Variants in DIABLO observed in about 807,000 individuals in gnomAD.
The protein encoded by DIABLO is diablo IAP-binding mitochondrial protein, also known as diablo homolog, mitochondrial.
In DIABLO, 32 loss-of-function variants were observed where a neutral mutation model predicts 31.7. The observed-to-expected ratio is 1.01, with a 90% CI of 0.76 to 1.35. DIABLO has a LOEUF of 1.35. DIABLO is among the 40% of genes most tolerant of loss of function. DIABLO has a pLI of 0.00. For missense variants in DIABLO, 316 were observed against 286.4 expected (o/e 1.10, Z -0.75); for synonymous variants, 132 against 103.2 (o/e 1.28, Z -1.69).
chr12:122,209,093 C>G, intron 5 of DIABLO: 1 of 276,792 alleles, frequency 3.6e-6, no homozygotes. Context: ...GGCGCAGTGG[C>G]TCACGCCTCT....
chr12:122,208,574 G>A lies in DIABLO; in HGVS notation c.527C>T (p.Ala176Val). 4 of 1,612,292 alleles carry A rather than the reference G, an allele frequency of 2.5e-6. No homozygotes were observed. Among genetic ancestry groups the A allele is most frequent in the Non-Finnish European group, 2.5e-6 (3 of 1,180,000 alleles). ...MAAEAAYQTG[A>V]DQASITARNH... ...CCTGGCGGTTATAGAGGCCTGATCT[G>A]CGCCTGCCAAAAGATGGGACAATCG... The change falls in exon 6 of 6, where the codon GCA (alanine) becomes GTA (valine). Residue 176 changes from alanine to valine, a missense_variant. Transcript: ENST00000464942.
intron 2 of DIABLO, among the ~76,000 whole-genome samples, chr12:122,223,701 T>G (rs1196895869): frequency 6.6e-6 from 1 of 152,204 alleles, no homozygotes; most frequent in Non-Finnish European, 1.5e-5. Context: ...TAATGGCTCT[T>G]TCAGAACATT....
chr12:122,208,605 A>G (rs914018547), intron 5 of DIABLO, 28 bp from the exon 6 acceptor site: 8 of 1,607,254 alleles, frequency 5.0e-6, no homozygotes, highest in African/African-American at 4.0e-5. Flanking sequence ...AATCGGGTTG[A>G]GCAGCCGTGC....
upstream of DIABLO, among the ~76,000 whole-genome samples, chr12:122,227,078 T>G (rs952057460): frequency 6.6e-6 from 1 of 152,182 alleles, no homozygotes; most frequent in Non-Finnish European, 1.5e-5. Context: ...CTGGAGGATC[T>G]TTGCTTTGTG....
chr12:122,216,433 G>GT (rs1954212220), intron 5 of DIABLO, 55 bp downstream of exon 5: 1 of 1,444,582 alleles, frequency 6.9e-7, no homozygotes, highest in Non-Finnish European at 9.7e-7. Flanking sequence ...AACTCAAATG[G>GT]TACCTTCCTA....
chr12:122,217,137 G>A, intron 3 of DIABLO: 1 of 410,062 alleles, frequency 2.4e-6, no homozygotes, highest in Non-Finnish European at 4.6e-6. Flanking sequence ...TAAAGGTTGA[G>A]GGGAAAAAAG....
chr12:122,213,248 G>A (rs1426772424), intron 5 of DIABLO, among the ~76,000 whole-genome samples: 3 of 151,932 alleles, frequency 2.0e-5, no homozygotes, highest in Non-Finnish European at 4.4e-5. Context: ...GAAATCATAA[G>A]GCCGTGCACA....
At position 122,208,440 on chromosome 12, in the gene DIABLO, G is replaced by C. The variant is rs1304680651; in HGVS notation, c.661C>G (p.Gln221Glu). The C allele has an allele frequency of 1.2e-6, 2 of 1,613,990 alleles. No individual in the cohort carries two copies. Among genetic ancestry groups the C allele is most frequent in the Non-Finnish European group, 8.5e-7 (1 of 1,180,022 alleles). The change falls in exon 6 of 6, where the codon CAG (glutamine) becomes GAG (glutamate). Residue 221 changes from glutamine (Q) to glutamate (E), a missense_variant. Gln to Glu is a conservative substitution (Grantham distance 29). Coordinates refer to ENST00000464942, the MANE Select transcript of DIABLO (RefSeq NM_001371333.1). ...AQIEELRQKT[Q>E]EEGEERAESE... ...TCAGCCCGCTCCTCCCCTTCCTCCTGTGTTTTCTGACGGAGCTCTTCTATC... is the reference window on the plus strand; with the variant it reads ...TCAGCCCGCTCCTCCCCTTCCTCCTCTGTTTTCTGACGGAGCTCTTCTATC...
At position 122,224,407 on chromosome 12, in the gene DIABLO, G is replaced by C. The variant is rs1954400586; in HGVS notation, c.183+105C>G. On this transcript the variant is annotated intron_variant, in intron 2 of 5. Transcript: ENST00000464942. ...TGCCGGTACTGTGGGGGAAGGGATG[G>C]GAGCACTGGGAAAAACTATGGTAGC... is the stretch of plus-strand genomic sequence containing the variant. The C allele has an allele frequency of 2.6e-6, 4 of 1,559,390 alleles. No individual in the cohort carries two copies. In the South Asian group the frequency reaches 4.5e-5, roughly 17 times the overall value.
At chr12:122,225,475 T>C (rs553653422) in intron 1 of DIABLO, 6 of 1,019,802 alleles carry the variant, frequency 5.9e-6, no homozygotes, top group South Asian at 7.5e-5. Context: ...AATTTAGCTC[T>C]GGACCCCTGG....
Position 122,207,701 on chromosome 12 carries a change from A to G in DIABLO, c.*680T>C, listed in dbSNP as rs1249591196. ...AGACGCATTTTCTCTTTCAGATGCAAACAAAATCTTACACTCTTCTCCTTT... is the reference window on the plus strand; with the variant it reads ...AGACGCATTTTCTCTTTCAGATGCAGACAAAATCTTACACTCTTCTCCTTT... On this transcript the variant is annotated 3_prime_UTR_variant, in exon 6 of 6. Transcript: ENST00000464942. 1.8e-6 allele frequency: 1 copy of G among 570,650 alleles called. No individual in the cohort carries two copies. The highest frequency in any genetic ancestry group is 3.3e-6 in the Non-Finnish European group (1 of 302,548). 35.3% of individuals were successfully genotyped at this position (570,650 alleles called of 1,614,324 possible).
At chr12:122,223,871 G>C (rs973510737) in intron 2 of DIABLO, among the ~76,000 whole-genome samples, 1 of 152,164 alleles carries the variant, frequency 6.6e-6, no homozygotes, top group South Asian at 2.1e-4. Flanking sequence ...TGAGATCATA[G>C]CTCACTGCAG....
At chr12:122,226,731 T>G (rs1278269053), upstream of DIABLO, 5 of 574,254 alleles carry the variant, frequency 8.7e-6, no homozygotes, top group Non-Finnish European at 1.5e-5. Flanking sequence ...GCTTCTCGGT[T>G]ACACTGGAGA....
chr12:122,215,639 G>C (rs923581305), intron 5 of DIABLO, among the ~76,000 whole-genome samples: 3 of 152,016 alleles, frequency 2.0e-5, no homozygotes, highest in African/African-American at 7.2e-5. Flanking sequence ...TACCTACCTA[G>C]GTTGGGACCA....
chr12:122,210,329 G>A (rs1954053919), intron 5 of DIABLO, among the ~76,000 whole-genome samples: 1 of 149,166 alleles, frequency 6.7e-6, no homozygotes, highest in Admixed American at 6.7e-5. Flanking sequence ...AGGCCCTGGT[G>A]TCCATTTTGG....
intron 5 of DIABLO, chr12:122,209,006 C>G: frequency 3.0e-6 from 1 of 330,476 alleles, no homozygotes; most frequent in Non-Finnish European, 5.9e-6. Context: ...TATTTTTTTA[C>G]TATAAATTTA....
intron 1 of DIABLO, chr12:122,225,642 C>T: frequency 3.0e-6 from 4 of 1,316,818 alleles, no homozygotes; most frequent in Admixed American, 3.2e-5. Flanking sequence ...CATGCCGTGT[C>T]CCTCCTCCTC....
intron 5 of DIABLO, chr12:122,209,657 G>C (rs111384806): frequency 3.0e-6 from 2 of 677,360 alleles, no homozygotes; most frequent in African/African-American, 1.8e-5. Context: ...AGTGAAACTC[G>C]TCTCCCCCCC....
chr12:122,211,703 C>A (rs1954092619), intron 5 of DIABLO, among the ~76,000 whole-genome samples: 2 of 152,122 alleles, frequency 1.3e-5, no homozygotes, highest in Non-Finnish European at 2.9e-5. Context: ...TGTTCTAATC[C>A]TTAATAGCTT....
Sources: allele counts gnomAD v4.1 joint callset (sites outside exome capture counted in the v4.1 genomes callset), GRCh38; gene constraint gnomAD v4.1.1; transcripts MANE v1.5; gene names NCBI Gene and HGNC (gene_info 2026-07-23, HGNC 2026-07-21).